The following TMEM132D variants were observed in gnomAD, a reference collection of about 807,000 sequenced individuals.
The protein encoded by TMEM132D is mature OL transmembrane protein.
Under a neutral mutation model 62.3 loss-of-function variants are expected in TMEM132D, and 21 were observed. The observed-to-expected ratio is 0.34, with a 90% CI of 0.24 to 0.49. TMEM132D has a LOEUF of 0.49. TMEM132D is among the 20% of genes least tolerant of loss of function. The probability of loss-of-function intolerance (pLI) is 0.99; values close to 1 mark genes in which losing one functional copy is unlikely to be tolerated. For synonymous variants in TMEM132D, 621 were observed against 575.6 expected (o/e 1.08, Z -1.13); for missense variants, 1,346 against 1,402.8 (o/e 0.96, Z 0.65).
chr12:129,487,440 G>A (rs1208254832), intron 3 of TMEM132D, among the ~76,000 whole-genome samples: 1 of 152,180 alleles, frequency 6.6e-6, no homozygotes, highest in Non-Finnish European at 1.5e-5. Flanking sequence ...GGATGAGGAA[G>A]ACTGGTTAGG....
chr12:129,618,925 G>C (rs972667583), intron 2 of TMEM132D, among the ~76,000 whole-genome samples: 1 of 152,160 alleles, frequency 6.6e-6, no homozygotes, highest in East Asian at 1.9e-4. Flanking sequence ...ACTCGAAGCG[G>C]GGGCTGCCTG....
chr12:129,420,374 A>G (rs973261674), intron 3 of TMEM132D, among the ~76,000 whole-genome samples: 1 of 135,516 alleles, frequency 7.4e-6, no homozygotes, highest in Non-Finnish European at 1.5e-5. Flanking sequence ...ACTGTCAATC[A>G]TCTTTCCTAC....
At chr12:129,746,831 A>G (rs925116013) in intron 1 of TMEM132D, among the ~76,000 whole-genome samples, 3 of 152,020 alleles carry the variant, frequency 2.0e-5, no homozygotes, top group African/African-American at 7.2e-5. Context: ...CCGACTCAGC[A>G]GACAGCAACT....
chr12:129,503,991 CATT>C (rs1027231807), intron 3 of TMEM132D, among the ~76,000 whole-genome samples: 15 of 65,592 alleles, frequency 2.3e-4, no homozygotes, highest in Admixed American at 4.3e-4. Flanking sequence ...TCATCATCAT[CATT>C]ATTGTCATCA....
chr12:129,257,219 T>TC (rs1398333101), intron 4 of TMEM132D, among the ~76,000 whole-genome samples: 2 of 149,760 alleles, frequency 1.3e-5, no homozygotes, highest in Admixed American at 6.6e-5. Flanking sequence ...TTTTTTTTTT[T>TC]TTTTTGAGAT....
intron 3 of TMEM132D, among the ~76,000 whole-genome samples, chr12:129,475,736 G>T (rs1346309837): frequency 6.6e-6 from 1 of 152,194 alleles, no homozygotes; most frequent in Non-Finnish European, 1.5e-5. Flanking sequence ...CACTCTGCAG[G>T]CGTCCAGCAG....
At chr12:129,108,915 T>A (rs1286756274) in intron 5 of TMEM132D, among the ~76,000 whole-genome samples, 1 of 152,230 alleles carries the variant, frequency 6.6e-6, no homozygotes, top group Non-Finnish European at 1.5e-5. Flanking sequence ...TTCCCAGCTC[T>A]CTATTCATCT....
chr12:129,696,753 A>G (rs1010193838), intron 2 of TMEM132D, among the ~76,000 whole-genome samples: 4 of 152,232 alleles, frequency 2.6e-5, no homozygotes, highest in African/African-American at 7.2e-5. Flanking sequence ...TGTGGCTAGA[A>G]GAATATAGAA....
chr12:129,323,412 AC>A lies in TMEM132D; in HGVS notation c.1299+14221del, dbSNP rs1166636056. Among the ~76,000 whole-genome samples, 5 of 121,256 alleles carry A rather than the reference AC, an allele frequency of 4.1e-5. No homozygotes were observed. The East Asian group carries it at 1.6e-3, about 38-fold the overall frequency. The allele number at this position is 121,256 out of a possible 152,430, so 79.5% of individuals were successfully genotyped here. A position where few individuals can be genotyped will look rare whatever the true frequency, so the allele number is the denominator to read the frequency against. ...CTGTGAACATGCTGCAAAGAGAAAA[AC>A]AAACAGAAAAAAAATATCTAGCATT... On this transcript the variant is annotated intron_variant, in intron 4 of 8. Transcript: ENST00000422113.
chr12:129,117,054 A>G (rs1565969666), intron 5 of TMEM132D, among the ~76,000 whole-genome samples: 1 of 152,144 alleles, frequency 6.6e-6, no homozygotes, highest in Admixed American at 6.5e-5. Context: ...GGTGTGCTAT[A>G]TAATGGAACA....
At chr12:129,783,148 C>G (rs1321909511) in intron 1 of TMEM132D, among the ~76,000 whole-genome samples, 1 of 152,172 alleles carries the variant, frequency 6.6e-6, no homozygotes, top group African/African-American at 2.4e-5. Context: ...AACATTAATG[C>G]AAGTGCTTTA....
intron 2 of TMEM132D, among the ~76,000 whole-genome samples, chr12:129,680,767 A>G (rs1880757541): frequency 6.6e-6 from 1 of 152,214 alleles, no homozygotes; most frequent in African/African-American, 2.4e-5. Context: ...CCAAGTATGA[A>G]TAAACACAGG....
chr12:129,150,639 G>T (rs969345651), intron 5 of TMEM132D, among the ~76,000 whole-genome samples: 2 of 152,204 alleles, frequency 1.3e-5, no homozygotes, highest in African/African-American at 4.8e-5. Flanking sequence ...CAGGTGGTCT[G>T]ATCCCAGAGC....
chr12:129,430,426 G>C (rs991807133), intron 3 of TMEM132D, among the ~76,000 whole-genome samples: 10 of 152,142 alleles, frequency 6.6e-5, no homozygotes, highest in Non-Finnish European at 1.0e-4. Flanking sequence ...TTTTTGATGG[G>C]GTTTTTTCTT....
At chr12:129,477,312 C>T (rs1487983376) in intron 3 of TMEM132D, among the ~76,000 whole-genome samples, 1 of 152,148 alleles carries the variant, frequency 6.6e-6, no homozygotes, top group Admixed American at 6.5e-5. Context: ...GACCCCCCTC[C>T]TCATCCTGTG....
intron 3 of TMEM132D, among the ~76,000 whole-genome samples, chr12:129,502,025 G>GTCTCTCAAAAGAGAC (rs551464754): frequency 6.8e-4 from 103 of 151,818 alleles, no homozygotes; most frequent in South Asian, 3.1e-3. Context: ...TTGAGAGATG[G>GTCTCTCAAAAGAGAC]AGTCTCGCTC....
intron 4 of TMEM132D, among the ~76,000 whole-genome samples, chr12:129,218,342 G>A (rs1879266128): frequency 1.3e-5 from 2 of 152,218 alleles, no homozygotes; most frequent in South Asian, 2.1e-4. Flanking sequence ...TCATCGTTGT[G>A]TGAACATCAT....
chr12:129,324,947 G>A (rs958339941), intron 4 of TMEM132D, among the ~76,000 whole-genome samples: 1 of 152,210 alleles, frequency 6.6e-6, no homozygotes, highest in Non-Finnish European at 1.5e-5. Flanking sequence ...AAGCCACTGA[G>A]TGTCAGACCC....
chr12:129,314,696 T>G (rs528112527), intron 4 of TMEM132D, among the ~76,000 whole-genome samples: 4 of 152,314 alleles, frequency 2.6e-5, no homozygotes, highest in Admixed American at 1.3e-4. Context: ...ATTGAATTTG[T>G]AGATTGCTTT....
Sources: gnomAD v4.1 joint callset for allele counts (sites outside exome capture counted in the v4.1 genomes callset) on GRCh38, gnomAD v4.1.1 for gene constraint, MANE v1.5 for transcripts, NCBI Gene and HGNC (gene_info 2026-07-23, HGNC 2026-07-21) for gene names.